The following CTBP2 variants were observed in gnomAD, a reference collection of about 807,000 sequenced individuals.
CTBP2 encodes C-terminal-binding protein 2.
A neutral mutation model predicts 80.3 loss-of-function variants in CTBP2; 30 were observed. That is an observed-to-expected ratio of 0.37 (90% CI 0.28 to 0.51). The LOEUF is 0.51. CTBP2 is among the 20% of genes least tolerant of loss of function. The pLI, the probability that CTBP2 is intolerant of heterozygous loss-of-function variation, is 0.93. For missense variants in CTBP2, 1,212 were observed against 1,375.3 expected, an observed-to-expected ratio of 0.88 and a Z score of 1.88; for synonymous variants, 594 against 587.4, an observed-to-expected ratio of 1.01 and a Z score of -0.16.
intron 2 of CTBP2, among the ~76,000 whole-genome samples, chr10:125,103,217 G>C (rs71488649): frequency 0.062 from 9,434 of 152,196 alleles, 295 homozygotes; most frequent in Non-Finnish European, 0.076. Context: ...CAGCTGCTGC[G>C]ATGCGCTCCT....
At chr10:125,010,219 TA>T (rs59517853) in intron 1 of CTBP2, among the ~76,000 whole-genome samples, 8,856 of 105,938 alleles carry the variant, frequency 0.084, 332 homozygotes, top group African/African-American at 0.13. Context: ...ATTTTAAGGT[TA>T]AAAAAAAAAA....
upstream of CTBP2, among the ~76,000 whole-genome samples, chr10:125,031,317 T>C (rs1958164370): frequency 1.3e-5 from 2 of 151,314 alleles, no homozygotes; most frequent in Admixed American, 1.3e-4. Flanking sequence ...GGCGAAACCC[T>C]GTCTCTACTA....
intron 2 of CTBP2, among the ~76,000 whole-genome samples, chr10:125,058,826 G>A (rs991452134): frequency 2.0e-5 from 3 of 152,098 alleles, no homozygotes; most frequent in Admixed American, 1.3e-4. Flanking sequence ...CCCGGGAGGC[G>A]GTGGCTGCAG....
intron 1 of CTBP2, among the ~76,000 whole-genome samples, chr10:125,013,728 T>G (rs1363918294): frequency 6.6e-6 from 1 of 152,158 alleles, no homozygotes; most frequent in Non-Finnish European, 1.5e-5. Flanking sequence ...AAGTAAGTGA[T>G]GGAGTCAGGA....
At chr10:124,999,272 C>A (rs940096137) in intron 3 of CTBP2, 3 of 152,300 alleles carry the variant, frequency 2.0e-5, no homozygotes, top group Non-Finnish European at 4.4e-5. Context: ...AGCTTTGGGA[C>A]CCTTAGGAGA....
Position 125,025,611 on chromosome 10 carries a change from G to A in CTBP2, c.1678+471C>T, listed in dbSNP as rs904675044. Among the ~76,000 whole-genome samples, 8 of 152,158 alleles carry A rather than the reference G, an allele frequency of 5.3e-5. No individual in the cohort carries two copies. In the East Asian group the frequency reaches 1.2e-3, roughly 22 times the overall value. ...TGCCTCTGATACGGCGTGCGGACCC[G>A]TGAGAGGTACGTTTCCACACGATCA... On this transcript the variant is annotated intron_variant, in intron 1 of 8. Coordinates refer to ENST00000309035, the MANE Select transcript of CTBP2 (RefSeq NM_022802.3).
chr10:125,100,273 T>C (rs771209288), intron 2 of CTBP2, among the ~76,000 whole-genome samples: 7 of 152,226 alleles, frequency 4.6e-5, no homozygotes, highest in South Asian at 2.1e-4. Flanking sequence ...TATTTGATGA[T>C]TGGCCACCCA....
chr10:125,098,660 GAGAGA>G (rs1849968921), intron 2 of CTBP2, among the ~76,000 whole-genome samples: 11 of 18,864 alleles, frequency 5.8e-4, no homozygotes, highest in African/African-American at 1.8e-3. Context: ...GGGAGGGGGA[GAGAGA>G]GAGAGAGAGA....
At chr10:125,076,842 A>G (rs919271683) in intron 2 of CTBP2, among the ~76,000 whole-genome samples, 3 of 152,190 alleles carry the variant, frequency 2.0e-5, no homozygotes, top group Non-Finnish European at 4.4e-5. Flanking sequence ...TGGAGAGTTT[A>G]AATGTCCAGA....
At chr10:125,130,657 G>C (rs952822140) in intron 1 of CTBP2, among the ~76,000 whole-genome samples, 1 of 152,160 alleles carries the variant, frequency 6.6e-6, no homozygotes, top group African/African-American at 2.4e-5. Context: ...AATATAGTGC[G>C]TGGACACTGG....
intron 3 of CTBP2, among the ~76,000 whole-genome samples, chr10:125,034,115 G>C (rs1405313229): frequency 6.6e-6 from 1 of 152,164 alleles, no homozygotes; most frequent in Non-Finnish European, 1.5e-5. Flanking sequence ...ACTGACCGGT[G>C]CAAAGAGACG....
chr10:125,085,612 C>A (rs936855045), intron 2 of CTBP2, among the ~76,000 whole-genome samples: 1 of 152,192 alleles, frequency 6.6e-6, no homozygotes, highest in Non-Finnish European at 1.5e-5. Context: ...TTTCTGCGGG[C>A]GCTGGAACTT....
chr10:125,100,860 T>A (rs1850511798), intron 2 of CTBP2: 1 of 152,370 alleles, frequency 6.6e-6, no homozygotes, highest in Non-Finnish European at 1.5e-5. Flanking sequence ...GGCACAATAC[T>A]GTATTTTAAA....
At position 124,998,050 on chromosome 10, in the gene CTBP2, G is replaced by C; in HGVS notation, c.2099C>G (p.Thr700Arg). Residue 700 changes from threonine to arginine, a missense_variant, in exon 4 of 9, where the codon ACG (threonine) becomes AGG (arginine). Around this residue, in one of 3 missense-constraint regions of CTBP2, gnomAD observed 335 missense variants for 504.7 expected, o/e 0.66. Transcript: ENST00000309035. ...GATCTGCTCCACGCTCTGAACCCGCGTGCCTTCCCGCAGTGCCTGGTACAG... is the reference window on the plus strand; with the variant it reads ...GATCTGCTCCACGCTCTGAACCCGCCTGCCTTCCCGCAGTGCCTGGTACAG... 1 of 1,613,326 alleles carries C rather than the reference G, an allele frequency of 6.2e-7. No homozygotes were observed. The highest frequency in any genetic ancestry group is 1.1e-5 in the South Asian group (1 of 91,058).
In CTBP2 at chr10:124,987,105, G is replaced by A. The variant is rs1248029718; in HGVS notation, c.*2413C>T. 1 of 152,720 alleles carries A rather than the reference G, an allele frequency of 6.5e-6. No individual in the cohort carries two copies. The highest frequency in any genetic ancestry group is 2.1e-4 in the South Asian group (1 of 4,820). The allele number at this position is 152,720 out of a possible 1,614,324, so 9.5% of individuals were successfully genotyped here. ...AATGGGGCTCTAAATGGTTTTCATA[G>A]ACTGGCTGTTAAAGGCCAAAAATTT... On this transcript the variant is annotated 3_prime_UTR_variant, in exon 9 of 9. Coordinates refer to ENST00000309035, the MANE Select transcript of CTBP2 (RefSeq NM_022802.3).
chr10:125,123,197 C>T (rs1276230401), intron 1 of CTBP2, among the ~76,000 whole-genome samples: 1 of 151,110 alleles, frequency 6.6e-6, no homozygotes, highest in East Asian at 2.0e-4. Context: ...CTGGCCACCT[C>T]AAGTGGATAT....
At chr10:125,081,546 G>A (rs973691853) in intron 2 of CTBP2, among the ~76,000 whole-genome samples, 4 of 152,076 alleles carry the variant, frequency 2.6e-5, no homozygotes, top group South Asian at 2.1e-4. Flanking sequence ...GTATATGAGA[G>A]AAACACAAGC....
At chr10:125,073,653 G>A (rs905204058) in intron 2 of CTBP2, among the ~76,000 whole-genome samples, 3 of 152,216 alleles carry the variant, frequency 2.0e-5, no homozygotes, top group African/African-American at 4.8e-5. Flanking sequence ...AAAGTCAACT[G>A]CCTTGATTCA....
chr10:125,088,742 G>A (rs553440330), intron 2 of CTBP2, among the ~76,000 whole-genome samples: 5 of 152,086 alleles, frequency 3.3e-5, no homozygotes, highest in African/African-American at 4.8e-5. Context: ...TTTTGTTAAC[G>A]GGCATACAAA....
Sources: allele counts gnomAD v4.1 joint callset (sites outside exome capture counted in the v4.1 genomes callset), GRCh38; gene constraint gnomAD v4.1.1; regional missense constraint gnomAD v4.1.1; transcripts MANE v1.5; gene names NCBI Gene and HGNC (gene_info 2026-07-23, HGNC 2026-07-21).